NGLY1: variants seen among roughly 807,000 people sequenced by gnomAD.
The protein encoded by NGLY1 is peptide-N(4)-(N-acetyl-beta-glucosaminyl)asparagine amidase.
A neutral mutation model predicts 84.6 loss-of-function variants in NGLY1; 68 were observed. The ratio of observed to expected loss-of-function variants is 0.80; its 90% CI spans 0.66 to 0.98. The LOEUF is 0.98. Ranked by LOEUF, NGLY1 falls within the 50% of genes least tolerant of loss-of-function variation. NGLY1 has a pLI of 0.00. For missense variants in NGLY1, 779 were observed against 770.2 expected, an observed-to-expected ratio of 1.01 and a Z score of -0.14; for synonymous variants, 280 against 275.2, an observed-to-expected ratio of 1.02 and a Z score of -0.17.
chr3:25,763,047 C>G (rs1707391824), intron 3 of NGLY1, among the ~76,000 whole-genome samples: 1 of 152,096 alleles, frequency 6.6e-6, no homozygotes, highest in South Asian at 2.1e-4. Context: ...ATCACTTCAA[C>G]CTGGGAGGCA....
chr3:25,776,477 T>C (rs916332733), intron 2 of NGLY1, among the ~76,000 whole-genome samples: 12 of 152,180 alleles, frequency 7.9e-5, no homozygotes, highest in Non-Finnish European at 1.3e-4. Flanking sequence ...CGGATACCTT[T>C]GTATCATCTA....
intron 10 of NGLY1, among the ~76,000 whole-genome samples, chr3:25,727,558 C>A (rs1015866344): frequency 2.0e-5 from 3 of 152,308 alleles, no homozygotes; most frequent in South Asian, 2.1e-4. Context: ...CTCACTGTTT[C>A]CATAGCAATG....
At chr3:25,786,195 C>T (rs1307141687), upstream of NGLY1, among the ~76,000 whole-genome samples, 1 of 151,936 alleles carries the variant, frequency 6.6e-6, no homozygotes, top group Admixed American at 6.6e-5. Context: ...TTAGTGCACA[C>T]CTGGAGTCCC....
intron 9 of NGLY1, 94 bp downstream of exon 9, chr3:25,732,225 G>T (rs1705571482): frequency 1.8e-6 from 2 of 1,118,162 alleles, no homozygotes; most frequent in East Asian, 4.8e-5. Flanking sequence ...TAACTGAAAG[G>T]TCATAGTCAA....
chr3:25,719,556 A>G lies in NGLY1; in HGVS notation c.1869T>C (p.Gly623=), dbSNP rs73155397. The G allele has an allele frequency of 8.6e-4, 1,380 of 1,613,970 alleles. 10 individuals are homozygous for G. The African/African-American group carries it at 0.016, about 19-fold the overall frequency. Residue 623 remains glycine, a synonymous_variant, in exon 12 of 12, where the codon GGT becomes GGC. Coordinates refer to ENST00000280700, the MANE Select transcript of NGLY1 (RefSeq NM_018297.4). ...ILEAELSRGD[G]DVAWQHTQLF... Reference sequence around the variant, plus strand: ...GCTGGGTGTGTTGCCAAGCGACATCACCATCTCCTCTGCTTAATTCTGCTT... The same window carrying G: ...GCTGGGTGTGTTGCCAAGCGACATCGCCATCTCCTCTGCTTAATTCTGCTT...
chr3:25,770,963 T>C (rs1825982), intron 2 of NGLY1, among the ~76,000 whole-genome samples: 117,033 of 152,060 alleles, frequency 0.77, 45,960 homozygotes, highest in East Asian at 0.94. Context: ...TGTCGGATAC[T>C]TAGTTTGTGA....
chr3:25,778,228 A>G (rs554840436), intron 2 of NGLY1: 1 of 158,308 alleles, frequency 6.3e-6, no homozygotes, highest in East Asian at 1.8e-4. Context: ...TTCCTACTAC[A>G]GACAGGTAGC....
intron 5 of NGLY1, among the ~76,000 whole-genome samples, chr3:25,739,317 T>G (rs535475545): frequency 6.6e-6 from 1 of 152,192 alleles, no homozygotes. Context: ...ATATCATTTC[T>G]GTCACCATTA....
chr3:25,749,224 C>A (rs2125507576), intron 4 of NGLY1, among the ~76,000 whole-genome samples: 1 of 152,272 alleles, frequency 6.6e-6, no homozygotes, highest in East Asian at 1.9e-4. Flanking sequence ...GCCATAAGAT[C>A]CAGCAGTTTC....
chr3:25,787,587 C>A (rs1708632451), upstream of NGLY1, among the ~76,000 whole-genome samples: 1 of 152,144 alleles, frequency 6.6e-6, no homozygotes, highest in Non-Finnish European at 1.5e-5. Flanking sequence ...TTGTTCAAGA[C>A]AAAGAGGAGT....
At chr3:25,744,233 T>C (rs116509411) in intron 4 of NGLY1, among the ~76,000 whole-genome samples, 71 of 152,278 alleles carry the variant, frequency 4.7e-4, no homozygotes, top group Non-Finnish European at 9.3e-4. Context: ...TCACATACAA[T>C]TTAGTAGGCC....
At chr3:25,730,654 T>C (rs1705494931) in intron 9 of NGLY1, 1 of 152,262 alleles carries the variant, frequency 6.6e-6, no homozygotes, top group African/African-American at 2.4e-5. Flanking sequence ...GATCTTGTAA[T>C]CCTATGGCTG....
intron 2 of NGLY1, among the ~76,000 whole-genome samples, chr3:25,770,314 A>C (rs902263607): frequency 3.9e-5 from 6 of 152,006 alleles, no homozygotes; most frequent in African/African-American, 1.5e-4. Context: ...ATGCCCAGCA[A>C]ATTTTTGTAT....
intron 10 of NGLY1, among the ~76,000 whole-genome samples, chr3:25,724,014 C>G (rs1442478343): frequency 6.6e-6 from 1 of 152,164 alleles, no homozygotes; most frequent in African/African-American, 2.4e-5. Context: ...TAGGCATAAG[C>G]CATACTATTC....
intron 10 of NGLY1, among the ~76,000 whole-genome samples, chr3:25,722,903 G>A (rs570193954): frequency 6.6e-6 from 1 of 152,132 alleles, no homozygotes; most frequent in African/African-American, 2.4e-5. Context: ...GGGATATCTG[G>A]GAAAGAAGAG....
At chr3:25,728,051 TTAGC>T (rs1442831201) in intron 10 of NGLY1, among the ~76,000 whole-genome samples, 1 of 152,138 alleles carries the variant, frequency 6.6e-6, no homozygotes, top group Non-Finnish European at 1.5e-5. Context: ...ATGCATTTCT[TTAGC>T]TAAAGAAGAA....
At chr3:25,778,709 G>T in intron 1 of NGLY1, 21 bp from the exon 2 acceptor site, 2 of 1,450,370 alleles carry the variant, frequency 1.4e-6, no homozygotes, top group South Asian at 1.2e-5. Flanking sequence ...ACAAAAGTTT[G>T]ATTATATATA....
chr3:25,783,550 G>GGC (rs1708527799), upstream of NGLY1: 7 of 275,676 alleles, frequency 2.5e-5, no homozygotes, highest in African/African-American at 4.8e-5. This position sits in a 1 kb window ranked among gnomAD's most constrained non-coding sequence, Gnocchi z 4.5. Flanking sequence ...TCCTCGGCCG[G>GGC]CAGGGGCGGG....
chr3:25,739,164 C>T (rs1705996911), intron 5 of NGLY1, among the ~76,000 whole-genome samples: 2 of 152,010 alleles, frequency 1.3e-5, no homozygotes, highest in Admixed American at 1.3e-4. Context: ...AGCTATCAGA[C>T]AGTTAAAAAT....
Sources: allele counts gnomAD v4.1 joint callset (sites outside exome capture counted in the v4.1 genomes callset), GRCh38; gene constraint gnomAD v4.1.1; non-coding constraint Gnocchi (gnomAD v3.1); transcripts MANE v1.5; gene names NCBI Gene and HGNC (gene_info 2026-07-23, HGNC 2026-07-21).